The following TEKT5 variants were observed in gnomAD, a reference collection of about 807,000 sequenced individuals.
The protein encoded by TEKT5 is tektin 5, also known as tektin-5.
A neutral mutation model predicts 48.7 loss-of-function variants in TEKT5; 52 were observed. The observed-to-expected ratio is 1.07, with a 90% confidence interval of 0.86 to 1.35. The LOEUF (loss-of-function observed/expected upper bound fraction) is 1.35, where lower values mean the gene tolerates loss of function less well. TEKT5 is among the 40% of genes most tolerant of loss of function. TEKT5 has a pLI of 0.00. For synonymous variants in TEKT5, 318 were observed against 267.6 expected, an observed-to-expected ratio of 1.19 and a Z score of -1.84; for missense variants, 831 against 641.6, an observed-to-expected ratio of 1.30 and a Z score of -3.19.
rs745688962 is a variant in TEKT5 at position 10,635,907 on chromosome 16, C to G, written c.1098G>C (p.Glu366Asp). The G allele has an allele frequency of 4.3e-6, 7 of 1,613,942 alleles. No homozygotes were observed. The highest frequency in any genetic ancestry group is 5.1e-6 in the Non-Finnish European group (6 of 1,180,026). ...TGATGGTGTTCTCGGCCTGGAAGAT[C>G]TCCTGCAGCGTCTGCGAGGGAACAC... ...LQTQLAKTLQ[E>D]IFQAENTIML... is the part of the protein sequence containing the mutation. The change falls in exon 6 of 7, where the codon GAG (glutamate) becomes GAC (aspartate). Residue 366 changes from glutamate to aspartate, a missense_variant. By Grantham distance (45) the Glu-to-Asp change is conservative. Transcript: ENST00000283025.
At chr16:10,628,149 C>G (rs544804916) in intron 6 of TEKT5, among the ~76,000 whole-genome samples, 9 of 152,250 alleles carry the variant, frequency 5.9e-5, no homozygotes, top group South Asian at 2.1e-4. Context: ...CCCGACCTAG[C>G]ACAGGTTATT....
chr16:10,681,992 C>T lies in TEKT5; in HGVS notation c.863+1G>A, dbSNP rs748580746. 2.5e-5 allele frequency: 40 copies of T among 1,613,608 alleles called. No homozygotes were observed. In the South Asian group the frequency reaches 2.7e-4, roughly 11 times the overall value. On this transcript the variant is annotated splice_donor_variant, in intron 4 of 6. Transcript: ENST00000283025. LOFTEE classifies it high-confidence loss of function. ...ATGGGGAGGGGGAGTCTGATACTTA[C>T]GTGCCGTCAATTTTCTCCATGCCGT...
At chr16:10,676,438 C>G (rs1464732995) in intron 4 of TEKT5, among the ~76,000 whole-genome samples, 1 of 152,112 alleles carries the variant, frequency 6.6e-6, no homozygotes, top group Non-Finnish European at 1.5e-5. Flanking sequence ...TGCAGTCGCC[C>G]CTTGTTGAGA....
rs549080031 is a variant in TEKT5, at chr16:10,657,892, G to A, written c.1086+18067C>T. Among the ~76,000 whole-genome samples the A allele has an allele frequency of 2.9e-3, 440 of 151,850 alleles. 4 individuals carry two copies. The highest frequency in any genetic ancestry group is 9.4e-3 in the South Asian group (45 of 4,804). ...CGGGATTACAGGCGTGAACCACTGCGCCCGGCCTCCCCTTTCAATTTTTTC... is the reference window on the plus strand; with the variant it reads ...CGGGATTACAGGCGTGAACCACTGCACCCGGCCTCCCCTTTCAATTTTTTC... On this transcript the variant is annotated intron_variant, in intron 5 of 6. Transcript: ENST00000283025.
intron 5 of TEKT5, among the ~76,000 whole-genome samples, chr16:10,641,926 C>G (rs1012556477): frequency 8.5e-5 from 13 of 152,244 alleles, no homozygotes; most frequent in African/African-American, 3.1e-4. Flanking sequence ...AGACTAGCTC[C>G]AAAGAACAGT....
At chr16:10,629,267 T>C (rs1309251638) in intron 6 of TEKT5, among the ~76,000 whole-genome samples, 1 of 152,082 alleles carries the variant, frequency 6.6e-6, no homozygotes, top group Non-Finnish European at 1.5e-5. Context: ...TTTTTTTTTT[T>C]TGAGATGGAG....
chr16:10,668,823 A>G (rs1253179644), intron 5 of TEKT5, among the ~76,000 whole-genome samples: 1 of 152,170 alleles, frequency 6.6e-6, no homozygotes, highest in Non-Finnish European at 1.5e-5. Flanking sequence ...CTGATATATA[A>G]AGCAGAGTGC....
At chr16:10,641,922 G>A (rs1897999136) in intron 5 of TEKT5, among the ~76,000 whole-genome samples, 1 of 152,248 alleles carries the variant, frequency 6.6e-6, no homozygotes, top group African/African-American at 2.4e-5. Context: ...CACGAGACTA[G>A]CTCCAAAGAA....
chr16:10,655,084 G>A (rs993265946), intron 5 of TEKT5, among the ~76,000 whole-genome samples: 2 of 151,880 alleles, frequency 1.3e-5, no homozygotes, highest in African/African-American at 4.8e-5. Context: ...AAGGCAGGAA[G>A]AGAGACTTAT....
At chr16:10,637,411 G>A (rs1040073752) in intron 5 of TEKT5, among the ~76,000 whole-genome samples, 1 of 151,560 alleles carries the variant, frequency 6.6e-6, no homozygotes, top group Non-Finnish European at 1.5e-5. Context: ...AAGAAGGGAA[G>A]GATATAAGAA....
In TEKT5 at chr16:10,660,932, C is replaced by T. The variant is rs1018251048; in HGVS notation, c.1086+15027G>A. 1.3e-4 allele frequency among the ~76,000 whole-genome samples: 20 copies of T among 152,230 alleles called. 1 individual carries two copies. In the South Asian group the frequency reaches 2.1e-3, roughly 16 times the overall value. On this transcript the variant is annotated intron_variant, in intron 5 of 6. Coordinates refer to ENST00000283025, the MANE Select transcript of TEKT5 (RefSeq NM_144674.2). ...GCCAGGCTGGTCTCGAACTCCTGAC[C>T]TCAAGTGATCTGCCCACCCTGGCCT... is the stretch of plus-strand genomic sequence containing the variant.
At chr16:10,649,463 G>A (rs1364531327) in intron 5 of TEKT5, among the ~76,000 whole-genome samples, 1 of 148,176 alleles carries the variant, frequency 6.7e-6, no homozygotes, top group Non-Finnish European at 1.5e-5. Context: ...TTTAACACAG[G>A]TTCTCTGTCA....
intron 5 of TEKT5, among the ~76,000 whole-genome samples, chr16:10,643,380 TAA>T (rs796677368): frequency 3.5e-5 from 5 of 144,696 alleles, no homozygotes; most frequent in Admixed American, 1.4e-4. Flanking sequence ...CTCCGTCTCT[TAA>T]AAAAAAAAAA....
intron 5 of TEKT5, among the ~76,000 whole-genome samples, chr16:10,654,488 T>C (rs1898223211): frequency 6.6e-6 from 1 of 152,202 alleles, no homozygotes; most frequent in Non-Finnish European, 1.5e-5. Context: ...AAACTAACGT[T>C]TGAATTGATG....
intron 5 of TEKT5, among the ~76,000 whole-genome samples, chr16:10,649,047 T>G (rs1205303811): frequency 6.6e-6 from 1 of 151,850 alleles, no homozygotes; most frequent in Admixed American, 6.6e-5. Flanking sequence ...ACTCCCGGGC[T>G]CAAGTGATCC....
Position 10,627,663 on chromosome 16 carries a change from T to C in TEKT5, c.1378A>G (p.Thr460Ala). 8.7e-6 allele frequency: 14 copies of C among 1,613,966 alleles called. No individual in the cohort carries two copies. The highest frequency in any genetic ancestry group is 1.2e-5 in the Non-Finnish European group (14 of 1,179,980). ...LEHELAIKAN[T>A]LCIDKEKCMG... is the part of the protein sequence containing the mutation. ...CACTTCTCCTTGTCGATGCAGAGGG[T>C]GTTGGCCTTGATGGCGAGCTCGTGC... Residue 460 changes from threonine to alanine, a missense_variant, in exon 7 of 7, where the codon ACC becomes GCC. Thr to Ala is a moderately conservative substitution (Grantham distance 58). Coordinates refer to ENST00000283025, the MANE Select transcript of TEKT5 (RefSeq NM_144674.2).
chr16:10,657,852 G>A (rs561081490), intron 5 of TEKT5, among the ~76,000 whole-genome samples: 2 of 151,126 alleles, frequency 1.3e-5, no homozygotes, highest in South Asian at 2.1e-4. Flanking sequence ...CGCCCGGCTC[G>A]GCCTCCCAAA....
At chr16:10,628,646 T>C (rs888140688) in intron 6 of TEKT5, among the ~76,000 whole-genome samples, 5 of 152,116 alleles carry the variant, frequency 3.3e-5, no homozygotes, top group African/African-American at 1.2e-4. Flanking sequence ...GGCTCACGCC[T>C]GAAATCCCAG....
chr16:10,694,883 T>A lies in TEKT5; in HGVS notation c.-10A>T, dbSNP rs762535185. 3.3e-6 allele frequency: 5 copies of A among 1,533,492 alleles called. No homozygotes were observed. The South Asian group carries it at 6.5e-5, about 20-fold the overall frequency. 95.0% of individuals were successfully genotyped at this position (1,533,492 alleles called of 1,614,324 possible). A position where few individuals can be genotyped will look rare whatever the true frequency, so the allele number is the denominator to read the frequency against. ...TCCCAAGAAACTCCATCCTCCCTCA[T>A]GAGCCCCACTCGGGCAAAACTCAGC... is the stretch of plus-strand genomic sequence containing the variant. On this transcript the variant is annotated 5_prime_UTR_variant, in exon 1 of 7. It removes an upstream start codon present in the reference 5' UTR. Transcript: ENST00000283025.
Sources: gnomAD v4.1 joint callset for allele counts (sites outside exome capture counted in the v4.1 genomes callset) on GRCh38, gnomAD v4.1.1 for gene constraint, MANE v1.5 for transcripts, NCBI Gene and HGNC (gene_info 2026-07-23, HGNC 2026-07-21) for gene names.